The following SYNE2 variants were observed in gnomAD, a reference collection of about 807,000 sequenced individuals.
The protein encoded by SYNE2 is nesprin-2.
Under a neutral mutation model 856.3 loss-of-function variants are expected in SYNE2, and 431 were observed. The observed-to-expected ratio is 0.50, with a 90% CI of 0.47 to 0.55. SYNE2 has a LOEUF of 0.55. Among genes scored for constraint, SYNE2 ranks in the 20% least tolerant of loss-of-function variants. The probability of loss-of-function intolerance (pLI) is 0.00; values close to 1 mark genes in which losing one functional copy is unlikely to be tolerated. For missense variants in SYNE2, 8,129 were observed against 8,023.2 expected, an observed-to-expected ratio of 1.01 and a Z score of -0.50; for synonymous variants, 2,923 against 2,872.3, an observed-to-expected ratio of 1.02 and a Z score of -0.56.
upstream of SYNE2, among the ~76,000 whole-genome samples, chr14:63,849,303 A>G (rs1483914853): frequency 6.7e-6 from 1 of 149,994 alleles, no homozygotes. Context: ...ATAGTAATGC[A>G]ATAGGAATAA....
At chr14:64,212,703 C>T (rs1275922484) in intron 104 of SYNE2, 108 bp from the exon 105 acceptor site, 1 of 1,046,276 alleles carries the variant, frequency 9.6e-7, no homozygotes, top group East Asian at 2.4e-5. Context: ...TGAAGGAAAA[C>T]AACAATAATG....
chr14:64,064,123 G>T (rs1567192683), intron 50 of SYNE2, among the ~76,000 whole-genome samples: 1 of 152,164 alleles, frequency 6.6e-6, no homozygotes, highest in South Asian at 2.1e-4. Flanking sequence ...ATGAAGTGAG[G>T]TGATGAAATG....
Position 63,912,435 on chromosome 14 carries a change from A to G in SYNE2, c.79+3208A>G, listed in dbSNP as rs577456292. ...TAGTCTTAAAGGCACTTGGCATTGT[A>G]CACACAGCAAGCAGACTCGTATTTC... On this transcript the variant is annotated intron_variant, in intron 2 of 115. Coordinates refer to ENST00000555002, the MANE Select transcript of SYNE2 (RefSeq NM_182914.3). 3.3e-5 allele frequency among the ~76,000 whole-genome samples: 5 copies of G among 152,346 alleles called. No individual in the cohort carries two copies. In the South Asian group the frequency reaches 8.3e-4, roughly 25 times the overall value.
At chr14:64,203,687 A>C (rs2098590416) in intron 100 of SYNE2, among the ~76,000 whole-genome samples, 1 of 151,880 alleles carries the variant, frequency 6.6e-6, no homozygotes, top group Non-Finnish European at 1.5e-5. Flanking sequence ...AGTTTATCTT[A>C]TTCTTTCTTT....
Position 63,976,631 on chromosome 14 carries a change from C to A in SYNE2, c.1197C>A (p.Leu399=). ...PPPLHQTEAW[L]QEVEELMDED... ...CCCTCCATCAAACTGAAGCTTGGCT[C>A]CAGGAGGTAGAAGAGCTTATGGATG... Residue 399 remains leucine (L), a synonymous_variant, in exon 12 of 116, where the codon CTC becomes CTA. Transcript: ENST00000555002. The A allele has an allele frequency of 6.2e-7, 1 of 1,609,646 alleles. No individual in the cohort carries two copies. Among genetic ancestry groups the A allele is most frequent in the South Asian group, 1.1e-5 (1 of 90,924 alleles).
chr14:64,077,397 T>C (rs1595362020), intron 54 of SYNE2, among the ~76,000 whole-genome samples: 1 of 144,596 alleles, frequency 6.9e-6, no homozygotes, highest in Admixed American at 6.9e-5. Context: ...TTTTTTTTTT[T>C]CTAATAATAT....
intron 96 of SYNE2, among the ~76,000 whole-genome samples, chr14:64,179,647 A>G (rs889086967): frequency 6.6e-6 from 1 of 152,130 alleles, no homozygotes; most frequent in African/African-American, 2.4e-5. Context: ...ATAGTTTATT[A>G]GTCAGTTGCA....
intron 7 of SYNE2, among the ~76,000 whole-genome samples, chr14:63,954,296 G>A (rs2096211600): frequency 6.6e-6 from 1 of 152,138 alleles, no homozygotes; most frequent in African/African-American, 2.4e-5. Flanking sequence ...GACCTTCCCT[G>A]TATGTAGAAG....
At chr14:63,782,568 C>T (rs1887359129) in intron 1 of SYNE2, among the ~76,000 whole-genome samples, 1 of 149,880 alleles carries the variant, frequency 6.7e-6, no homozygotes, top group Non-Finnish European at 1.5e-5. Flanking sequence ...GCAATTTGAT[C>T]ATCAAAATAA....
chr14:64,166,025 T>TA lies in SYNE2; in HGVS notation c.16605+623dup, dbSNP rs549988817. 5.3e-4 allele frequency among the ~76,000 whole-genome samples: 81 copies of TA among 152,202 alleles called. 1 individual carries two copies. In the South Asian group the frequency reaches 8.7e-3, roughly 16 times the overall value. ...TTGAATTTTTCTGGTTAGTTTAATA[T>TA]AAAAAAAATTCTATTATGCATTTTT... On this transcript the variant is annotated intron_variant, in intron 90 of 115. Transcript: ENST00000555002.
rs1348960539 is a variant in SYNE2, at chr14:64,031,214, A to G, written c.7078A>G (p.Ile2360Val). 1 of 1,614,218 alleles carries G rather than the reference A, an allele frequency of 6.2e-7. No individual in the cohort carries two copies. Among genetic ancestry groups the G allele is most frequent in the Non-Finnish European group, 8.5e-7 (1 of 1,180,028 alleles). ...KQEMECCLNS[I>V]LKSKRSTEKK... ...GGAGATGGAATGTTGTCTCAACAGC[A>G]TTCTCAAATCAAAACGCTCAACAGA... Residue 2360 changes from isoleucine to valine, a missense_variant, in exon 45 of 116, where the codon ATT becomes GTT. Around this residue, in one of 3 missense-constraint regions of SYNE2, gnomAD observed 297 missense variants for 380.9 expected, o/e 0.78. Coordinates refer to ENST00000555002, the MANE Select transcript of SYNE2 (RefSeq NM_182914.3).
intron 66 of SYNE2, among the ~76,000 whole-genome samples, chr14:64,114,620 C>A (rs2097840707): frequency 6.6e-6 from 1 of 151,462 alleles, no homozygotes; most frequent in Middle Eastern, 3.2e-3. Context: ...TCTCAAAAGT[C>A]AGTTCTTTTT....
At chr14:63,982,572 C>T in intron 16 of SYNE2, 58 bp from the exon 17 acceptor site, 3 of 1,260,270 alleles carry the variant, frequency 2.4e-6, no homozygotes, top group Non-Finnish European at 3.4e-6. Context: ...ATTGATTATA[C>T]ATAATAGAAA....
rs2098000596 is a variant in SYNE2, at chr14:64,130,191, C to A, written c.14283C>A (p.Gly4761=). Residue 4761 remains glycine (G), a synonymous_variant, in exon 76 of 116, where the codon GGC becomes GGA. Coordinates refer to ENST00000555002, the MANE Select transcript of SYNE2 (RefSeq NM_182914.3). ...VKIGKEKLAH[G]HLKQTKSKVA... is the part of the protein sequence containing the mutation. ...TTGGGAAGGAAAAGCTTGCTCATGG[C>A]CACTTAAAACAAACCAAAAGTAAAG... The A allele has an allele frequency of 6.2e-7, 1 of 1,613,802 alleles. No individual in the cohort carries two copies.
rs2097239245 is a variant in SYNE2 at position 64,053,007 on chromosome 14, G to A, written c.9094G>A (p.Glu3032Lys). 2.5e-6 allele frequency: 4 copies of A among 1,611,624 alleles called. No homozygotes were observed. Among genetic ancestry groups the A allele is most frequent in the Admixed American group, 1.7e-5 (1 of 59,588 alleles). ...TQVFEKEKELEEKIKQLDTFE... is the reference protein window; with the variant it reads ...TQVFEKEKELKEKIKQLDTFE... The stretch of plus-strand genomic sequence containing the variant: ...AGTATTTGAAAAAGAAAAGGAACTT[G>A]AAGAAAAAATTAAGCAGTTGGACAC... Residue 3032 changes from glutamate (E) to lysine (K), a missense_variant, in exon 48 of 116, where the codon GAA becomes AAA. By Grantham distance (56) the Glu-to-Lys change is moderately conservative. Transcript: ENST00000555002.
At chr14:63,846,588 T>C (rs113389553) in intron 1 of SYNE2, among the ~76,000 whole-genome samples, 24 of 126,552 alleles carry the variant, frequency 1.9e-4, no homozygotes, top group African/African-American at 6.4e-4. Context: ...TTTTTTCTGT[T>C]TTTTGTTTGT....
rs143789075 is a variant in SYNE2 at position 64,138,912 on chromosome 14, TTGTG to T, written c.14843+953_14843+956del. On this transcript the variant is annotated intron_variant, in intron 79 of 115. Transcript: ENST00000555002. ...GTTATACAGCTTATACAAATGCTGG[TTGTG>T]TGTGTGTGTGTGTGTGTGTGTGTAT... Among the ~76,000 whole-genome samples the T allele has an allele frequency of 7.1e-3, 1,018 of 144,294 alleles. 10 individuals carry two copies. Among genetic ancestry groups the T allele is most frequent in the African/African-American group, 0.022 (835 of 38,158 alleles). 94.7% of individuals were successfully genotyped at this position (144,294 alleles called of 152,430 possible).
chr14:64,045,564 C>T (rs2097180066), intron 45 of SYNE2, among the ~76,000 whole-genome samples: 1 of 152,182 alleles, frequency 6.6e-6, no homozygotes, highest in South Asian at 2.1e-4. Context: ...TGAAGTGTGG[C>T]ACCTCTCTTT....
chr14:64,069,016 G>A (rs1021279138), intron 51 of SYNE2, among the ~76,000 whole-genome samples: 2 of 152,174 alleles, frequency 1.3e-5, no homozygotes, highest in Non-Finnish European at 2.9e-5. Flanking sequence ...AGGAGTGGTA[G>A]ATGAGGGGAG....
Sources: gnomAD v4.1 joint callset for allele counts (sites outside exome capture counted in the v4.1 genomes callset) on GRCh38, gnomAD v4.1.1 for gene constraint, gnomAD v4.1.1 regional missense constraint, MANE v1.5 for transcripts, NCBI Gene and HGNC (gene_info 2026-07-23, HGNC 2026-07-21) for gene names.